Variants in EIF2B3 observed in about 807,000 individuals in gnomAD.
The protein encoded by EIF2B3 is translation initiation factor eIF2B subunit gamma.
A neutral mutation model predicts 54.1 loss-of-function variants in EIF2B3; 20 were observed. The ratio of observed to expected loss-of-function variants is 0.37; its 90% CI spans 0.26 to 0.54. EIF2B3 has a LOEUF of 0.54. EIF2B3 is among the 20% of genes least tolerant of loss of function. The pLI is 0.86. For synonymous variants in EIF2B3, 153 were observed against 188.1 expected, an observed-to-expected ratio of 0.81 and a Z score of 1.52; for missense variants, 448 against 547.8, an observed-to-expected ratio of 0.82 and a Z score of 1.82.
In EIF2B3 at chr1:44,853,019, T is replaced by C. The variant is rs1192195231; in HGVS notation, c.1307-2016A>G. ...GAGCTGGACAGTTTACTGATGAATA[T>C]GTTTAAGTTGTCCAAGATGTTATGG... On this transcript the variant is annotated intron_variant, in intron 11 of 11. Coordinates refer to ENST00000360403, the MANE Select transcript of EIF2B3 (RefSeq NM_020365.5). Among the ~76,000 whole-genome samples the C allele has an allele frequency of 5.3e-5, 8 of 152,146 alleles. No individual in the cohort carries two copies. The East Asian group carries it at 7.7e-4, about 15-fold the overall frequency.
intron 5 of EIF2B3, among the ~76,000 whole-genome samples, chr1:44,919,369 A>G (rs1292219913): frequency 6.6e-6 from 1 of 151,124 alleles, no homozygotes; most frequent in Non-Finnish European, 1.5e-5. Context: ...AAAAAAAATT[A>G]GTTACAGCTG....
intron 6 of EIF2B3, among the ~76,000 whole-genome samples, chr1:44,890,780 G>A (rs985738249): frequency 2.0e-5 from 3 of 152,038 alleles, no homozygotes; most frequent in African/African-American, 7.3e-5. Flanking sequence ...AACTAGATTT[G>A]TCTGCCTTCT....
At chr1:44,923,249 A>G (rs1643787490) in intron 5 of EIF2B3, among the ~76,000 whole-genome samples, 1 of 152,206 alleles carries the variant, frequency 6.6e-6, no homozygotes, top group African/African-American at 2.4e-5. Context: ...TAGGACTTCC[A>G]GTACTATGCT....
At chr1:44,939,842 C>A (rs1222619901) in intron 4 of EIF2B3, among the ~76,000 whole-genome samples, 1 of 151,338 alleles carries the variant, frequency 6.6e-6, no homozygotes, top group Non-Finnish European at 1.5e-5. Context: ...AAATAGAGTA[C>A]AAAGGAAACA....
At chr1:44,889,348 G>C (rs174636) in intron 6 of EIF2B3, among the ~76,000 whole-genome samples, 38,220 of 151,872 alleles carry the variant, frequency 0.25, 5,979 homozygotes, top group African/African-American at 0.45. Flanking sequence ...CCAGCCTGGT[G>C]AACATGGTGA....
intron 3 of EIF2B3, among the ~76,000 whole-genome samples, chr1:44,945,929 A>G (rs1644096871): frequency 6.6e-6 from 1 of 152,184 alleles, no homozygotes; most frequent in Non-Finnish European, 1.5e-5. Context: ...AAATCAAGAA[A>G]ATGACTCCAA....
intron 6 of EIF2B3, among the ~76,000 whole-genome samples, chr1:44,888,510 T>C (rs762437539): frequency 1.7e-4 from 26 of 151,484 alleles, no homozygotes; most frequent in Non-Finnish European, 3.4e-4. Flanking sequence ...TCTGTGCAAA[T>C]TGGCTGAATG....
At chr1:44,911,274 T>C (rs1311457759) in intron 5 of EIF2B3, among the ~76,000 whole-genome samples, 1 of 152,178 alleles carries the variant, frequency 6.6e-6, no homozygotes, top group African/African-American at 2.4e-5. Context: ...GCAACCCTTT[T>C]ATAACTACAC....
At chr1:44,851,565 G>C (rs924671421) in intron 11 of EIF2B3, among the ~76,000 whole-genome samples, 1 of 152,180 alleles carries the variant, frequency 6.6e-6, no homozygotes, top group Non-Finnish European at 1.5e-5. Flanking sequence ...AGGGTGAATA[G>C]TTTCTACAGG....
chr1:44,901,486 A>G (rs1280531729), intron 5 of EIF2B3, among the ~76,000 whole-genome samples: 1 of 150,700 alleles, frequency 6.6e-6, no homozygotes, highest in East Asian at 2.0e-4. Context: ...CCTGGCCCCA[A>G]GCGATCCTCC....
chr1:44,888,591 T>C (rs1655685273), intron 6 of EIF2B3, among the ~76,000 whole-genome samples: 1 of 152,296 alleles, frequency 6.6e-6, no homozygotes, highest in African/African-American at 2.4e-5. Flanking sequence ...AGGCTCATAT[T>C]AAGTTGTAAC....
At chr1:44,911,252 T>C (rs2148922402) in intron 5 of EIF2B3, among the ~76,000 whole-genome samples, 1 of 152,292 alleles carries the variant, frequency 6.6e-6, no homozygotes, top group Non-Finnish European at 1.5e-5. Context: ...TTTATGCATA[T>C]TTATCCAGCC....
intron 10 of EIF2B3, among the ~76,000 whole-genome samples, chr1:44,872,811 T>C (rs1655006909): frequency 6.6e-6 from 1 of 152,190 alleles, no homozygotes. Flanking sequence ...ACCTATCACT[T>C]CTTACTGCAC....
intron 3 of EIF2B3, among the ~76,000 whole-genome samples, chr1:44,949,158 C>T (rs1477940476): frequency 2.0e-5 from 3 of 152,192 alleles, no homozygotes; most frequent in Non-Finnish European, 4.4e-5. Context: ...GCATGAGCCA[C>T]TGCACCTGGC....
chr1:44,953,934 C>G (rs1473225344), intron 3 of EIF2B3, among the ~76,000 whole-genome samples: 1 of 152,082 alleles, frequency 6.6e-6, no homozygotes, highest in East Asian at 1.9e-4. Context: ...ATGCTGTATG[C>G]AAGAGACAGA....
chr1:44,974,318 TA>T (rs948049983), intron 3 of EIF2B3, among the ~76,000 whole-genome samples: 3 of 150,862 alleles, frequency 2.0e-5, no homozygotes, highest in African/African-American at 7.3e-5. Flanking sequence ...TCTCTATATA[TA>T]AAAAAAGTCC....
rs57964686 is a variant in EIF2B3 at position 44,978,621 on chromosome 1, C to CTTTTTTTTT, written c.149-170_149-162dup. The stretch of plus-strand genomic sequence containing the variant: ...TTTACCTGCATTCCCCCAATAAATT[C>CTTTTTTTTT]TTTTTTTTTTTTTTTTTTTTTTTTT... On this transcript the variant is annotated intron_variant, in intron 2 of 11. Transcript: ENST00000360403. 1.4e-3 allele frequency among the ~76,000 whole-genome samples: 111 copies of CTTTTTTTTT among 76,624 alleles called. 16 individuals are homozygous for CTTTTTTTTT. Among genetic ancestry groups the CTTTTTTTTT allele is most frequent in the African/African-American group, 6.9e-3 (105 of 15,304 alleles). The allele number at this position is 76,624 out of a possible 152,430, so 50.3% of individuals were successfully genotyped here.
rs1249588348 is a variant in EIF2B3 at position 44,902,101 on chromosome 1, C to T, written c.567-4657G>A. 2.0e-5 allele frequency among the ~76,000 whole-genome samples: 3 copies of T among 152,126 alleles called. No homozygotes were observed. The East Asian group carries it at 5.8e-4, about 29-fold the overall frequency. ...TTGCCTGGACATCTCAGGTAAAAAT[C>T]AAATGACCATAAACCTAAGGGTTTA... is the stretch of plus-strand genomic sequence containing the variant. On this transcript the variant is annotated intron_variant, in intron 5 of 11. Transcript: ENST00000360403.
chr1:44,952,498 T>C (rs559477057), intron 3 of EIF2B3, among the ~76,000 whole-genome samples: 1 of 152,086 alleles, frequency 6.6e-6, no homozygotes, highest in South Asian at 2.1e-4. Context: ...TTAATTAATC[T>C]ATATGCATTA....
Sources: gnomAD v4.1 joint callset for allele counts (sites outside exome capture counted in the v4.1 genomes callset) on GRCh38, gnomAD v4.1.1 for gene constraint, MANE v1.5 for transcripts, NCBI Gene and HGNC (gene_info 2026-07-23, HGNC 2026-07-21) for gene names.